Variants in CNTN3 observed in about 807,000 individuals in gnomAD.
CNTN3 encodes the protein contactin-3.
CNTN3 carries 60 observed loss-of-function variants against 119.1 expected under a neutral mutation model. That is an observed-to-expected ratio of 0.50 (90% CI 0.41 to 0.62). The LOEUF is 0.62. Ranked by LOEUF, CNTN3 falls within the 20% of genes least tolerant of loss-of-function variation. The pLI, the probability that CNTN3 is intolerant of heterozygous loss-of-function variation, is 0.00. For missense variants in CNTN3, 1,101 were observed against 1,242.4 expected (o/e 0.89, Z 1.71); for synonymous variants, 450 against 438.7 (o/e 1.03, Z -0.32).
chr3:74,348,985 C>G (rs970710124), intron 11 of CNTN3, among the ~76,000 whole-genome samples: 2 of 151,490 alleles, frequency 1.3e-5, no homozygotes, highest in Non-Finnish European at 2.9e-5. Context: ...ACTCTGGAGG[C>G]TGAGGCAGGA....
chr3:74,575,717 C>G (rs1704405000), intron 1 of CNTN3, among the ~76,000 whole-genome samples: 1 of 151,726 alleles, frequency 6.6e-6, no homozygotes. Flanking sequence ...GACATCAACT[C>G]CTGCTCCCCT....
chr3:74,359,444 T>G (rs1232460087), intron 11 of CNTN3, among the ~76,000 whole-genome samples: 1 of 152,110 alleles, frequency 6.6e-6, no homozygotes, highest in Non-Finnish European at 1.5e-5. Flanking sequence ...GACACTAAAT[T>G]TTTGTGTTCA....
chr3:74,413,120 C>T (rs578186375), intron 5 of CNTN3, among the ~76,000 whole-genome samples: 44 of 152,254 alleles, frequency 2.9e-4, no homozygotes, highest in African/African-American at 1.1e-3. Flanking sequence ...ATGTCTATAC[C>T]ACCTGTGAAC....
At chr3:74,456,936 A>T (rs752525600) in intron 4 of CNTN3, among the ~76,000 whole-genome samples, 8 of 152,112 alleles carry the variant, frequency 5.3e-5, no homozygotes, top group Non-Finnish European at 1.0e-4. Flanking sequence ...TACACTCCAC[A>T]TACTATAAAA....
intron 5 of CNTN3, among the ~76,000 whole-genome samples, chr3:74,422,586 C>CA (rs1292632711): frequency 1.2e-4 from 19 of 152,166 alleles, no homozygotes; most frequent in Non-Finnish European, 2.6e-4. Flanking sequence ...CATGTTCACT[C>CA]TGTGCATACT....
chr3:74,511,287 G>C (rs112920659), intron 2 of CNTN3, among the ~76,000 whole-genome samples: 14 of 152,114 alleles, frequency 9.2e-5, no homozygotes, highest in African/African-American at 3.4e-4. Flanking sequence ...AGCCCTACAG[G>C]GAGTAAGACA....
At chr3:74,529,658 A>G (rs1703666400) in intron 1 of CNTN3, among the ~76,000 whole-genome samples, 1 of 151,954 alleles carries the variant, frequency 6.6e-6, no homozygotes, top group Admixed American at 6.6e-5. Flanking sequence ...AAATTATGAA[A>G]TGAAACATTT....
chr3:74,421,493 T>C (rs1171662881), intron 5 of CNTN3, among the ~76,000 whole-genome samples: 1 of 152,198 alleles, frequency 6.6e-6, no homozygotes, highest in East Asian at 1.9e-4. Flanking sequence ...TTACTATTAC[T>C]GCCTTTCTTT....
intron 1 of CNTN3, among the ~76,000 whole-genome samples, chr3:74,540,077 A>G (rs952636198): frequency 1.3e-5 from 2 of 152,164 alleles, no homozygotes; most frequent in African/African-American, 4.8e-5. Context: ...TTAGCAAAAC[A>G]CGTCCCTTCT....
chr3:74,491,979 C>T (rs2107059500), intron 3 of CNTN3, among the ~76,000 whole-genome samples: 1 of 152,214 alleles, frequency 6.6e-6, no homozygotes, highest in South Asian at 2.1e-4. Context: ...CTACACACCC[C>T]AGCATTTCAA....
At chr3:74,584,977 A>G (rs1704571140) in intron 1 of CNTN3, among the ~76,000 whole-genome samples, 2 of 152,034 alleles carry the variant, frequency 1.3e-5, no homozygotes, top group South Asian at 4.2e-4. Flanking sequence ...CAGGCATCAC[A>G]TATTTACACA....
At chr3:74,275,367 G>C (rs1701859711) in intron 20 of CNTN3, among the ~76,000 whole-genome samples, 1 of 152,030 alleles carries the variant, frequency 6.6e-6, no homozygotes, top group African/African-American at 2.4e-5. Flanking sequence ...TAAAGTTAAG[G>C]GGAAGGAAAG....
At position 74,297,909 on chromosome 3, in the gene CNTN3, AAAT is replaced by A. The variant is rs146728177; in HGVS notation, c.2401+45_2401+47del. Reference sequence around the variant, plus strand: ...GACTCCAAATCAGTTTTTGGAGCACAAATAATTATTATTAGGCGGAACTGATAT... The same window carrying A: ...GACTCCAAATCAGTTTTTGGAGCACAAATTATTATTAGGCGGAACTGATAT... On this transcript the variant is annotated intron_variant, in intron 18 of 22. Coordinates refer to ENST00000263665, the MANE Select transcript of CNTN3 (RefSeq NM_020872.3). 5,159 of 1,441,576 alleles carry A rather than the reference AAAT, an allele frequency of 3.6e-3. 161 individuals are homozygous for A. The African/African-American group carries it at 0.06, about 17-fold the overall frequency. 89.3% of individuals were successfully genotyped at this position (1,441,576 alleles called of 1,614,324 possible).
chr3:74,306,870 A>G (rs1702574196), intron 13 of CNTN3, among the ~76,000 whole-genome samples: 1 of 152,170 alleles, frequency 6.6e-6, no homozygotes, highest in Non-Finnish European at 1.5e-5. Context: ...TGAAGGCAAG[A>G]AAAAAGAAAC....
intron 6 of CNTN3, among the ~76,000 whole-genome samples, chr3:74,370,365 A>G (rs1324832983): frequency 1.3e-5 from 2 of 152,128 alleles, no homozygotes; most frequent in Non-Finnish European, 2.9e-5. Context: ...TTTACATTAC[A>G]CAAAATGGGA....
At chr3:74,469,158 C>G (rs191516265) in intron 4 of CNTN3, among the ~76,000 whole-genome samples, 1 of 152,190 alleles carries the variant, frequency 6.6e-6, no homozygotes, top group African/African-American at 2.4e-5. Flanking sequence ...ACTGATCCTT[C>G]TTTACAAATA....
rs1235956831 is a variant in CNTN3 at position 74,282,791 on chromosome 3, G to A, written c.2704+2514C>T. Among the ~76,000 whole-genome samples the A allele has an allele frequency of 3.9e-5, 6 of 152,130 alleles. 1 individual carries two copies. In the East Asian group the frequency reaches 1.2e-3, roughly 29 times the overall value. On this transcript the variant is annotated intron_variant, in intron 20 of 22. Transcript: ENST00000263665. ...GGCTCTAAGAGATTCTGTTTTACTT[G>A]AAATTTTGGTACATATTTAAAAATT...
At chr3:74,376,110 A>T (rs1290328903) in intron 5 of CNTN3, among the ~76,000 whole-genome samples, 1 of 152,114 alleles carries the variant, frequency 6.6e-6, no homozygotes, top group African/African-American at 2.4e-5. Flanking sequence ...AAGGGAAGGA[A>T]ATGGATTCTC....
At chr3:74,451,656 T>G (rs946722311) in intron 4 of CNTN3, among the ~76,000 whole-genome samples, 1 of 152,016 alleles carries the variant, frequency 6.6e-6, no homozygotes, top group African/African-American at 2.4e-5. Flanking sequence ...ATGTCTAACG[T>G]TTAAGTCTTT....
Sources: gnomAD v4.1 joint callset for allele counts (sites outside exome capture counted in the v4.1 genomes callset) on GRCh38, gnomAD v4.1.1 for gene constraint, MANE v1.5 for transcripts, NCBI Gene and HGNC (gene_info 2026-07-23, HGNC 2026-07-21) for gene names.